Variants in FTCDNL1 observed in about 807,000 individuals in gnomAD.
FTCDNL1 encodes formiminotransferase N-terminal subdomain-containing protein.
Under a neutral mutation model 5.9 loss-of-function variants are expected in FTCDNL1, and 11 were observed. The ratio of observed to expected loss-of-function variants is 1.87; its 90% CI spans 1.18 to 3.10. The LOEUF is 3.10. FTCDNL1 is among the 30% of genes most tolerant of loss of function. The pLI is 0.00. For synonymous variants in FTCDNL1, 58 were observed against 24.8 expected (o/e 2.34, Z -3.99); for missense variants, 115 against 65.5 (o/e 1.76, Z -2.61).
the FTCDNL1 span, among the ~76,000 whole-genome samples, chr2:199,676,808 G>T: frequency 6.6e-6 from 1 of 152,046 alleles, no homozygotes; most frequent in Non-Finnish European, 1.5e-5. Flanking sequence ...AACAATATAA[G>T]TTGTTATGTT....
chr2:199,719,581 G>A, the FTCDNL1 span, among the ~76,000 whole-genome samples: 14 of 151,846 alleles, frequency 9.2e-5, no homozygotes, highest in African/African-American at 3.1e-4. Context: ...AATTTGATAG[G>A]GGCTGCATCG....
At chr2:199,793,725 C>T (rs759311519) in intron 3 of FTCDNL1, among the ~76,000 whole-genome samples, 3 of 152,108 alleles carry the variant, frequency 2.0e-5, no homozygotes, top group Non-Finnish European at 4.4e-5. Flanking sequence ...CTTAAACATA[C>T]GGCATTGACA....
the FTCDNL1 span, among the ~76,000 whole-genome samples, chr2:199,685,648 T>C: frequency 6.6e-6 from 1 of 152,172 alleles, no homozygotes; most frequent in African/African-American, 2.4e-5. Context: ...TTGCAATCAA[T>C]TCAAATCCAT....
At chr2:199,666,392 A>T in the FTCDNL1 span, among the ~76,000 whole-genome samples, 1,024 of 152,300 alleles carry the variant, frequency 6.7e-3, 8 homozygotes, top group African/African-American at 0.024. Flanking sequence ...TGTATACTCT[A>T]AACAAAAAAC....
chr2:199,848,729 G>A, intron 2 of FTCDNL1, 119 bp downstream of exon 2: 2 of 574,986 alleles, frequency 3.5e-6, no homozygotes, highest in Non-Finnish European at 6.2e-6. Flanking sequence ...TCAAGAGCAA[G>A]GAGGAAAATT....
chr2:199,764,973 C>T (rs140730289), intron 3 of FTCDNL1, among the ~76,000 whole-genome samples: 6 of 152,236 alleles, frequency 3.9e-5, no homozygotes, highest in African/African-American at 7.2e-5. Flanking sequence ...CATAGTAAAC[C>T]TCAGTGCCAC....
chr2:199,676,162 C>T, the FTCDNL1 span, among the ~76,000 whole-genome samples: 1 of 152,118 alleles, frequency 6.6e-6, no homozygotes, highest in Non-Finnish European at 1.5e-5. Flanking sequence ...GAGGAATGTG[C>T]ATGGTTTAAA....
chr2:199,846,224 T>C, intron 2 of FTCDNL1, 54 bp from the exon 3 acceptor site: 2 of 644,478 alleles, frequency 3.1e-6, no homozygotes, highest in Non-Finnish European at 5.6e-6. Flanking sequence ...GATAAAACCT[T>C]AATAGTTAAT....
In FTCDNL1 at chr2:199,773,617, TA is replaced by T. The variant is rs537823361; in HGVS notation, c.212-12783del. Among the ~76,000 whole-genome samples the T allele has an allele frequency of 3.7e-4, 56 of 152,308 alleles. No homozygotes were observed. The South Asian group carries it at 0.011, about 29-fold the overall frequency. On this transcript the variant is annotated intron_variant, in intron 3 of 3. Transcript: ENST00000416668. ...GAAGTGGCTCATGTCCAGACACTGATAAGGGACTGTGACTCTTTAGAGGGAC... is the reference window on the plus strand; with the variant it reads ...GAAGTGGCTCATGTCCAGACACTGATAGGGACTGTGACTCTTTAGAGGGAC...
At chr2:199,732,894 C>G in the FTCDNL1 span, among the ~76,000 whole-genome samples, 65 of 152,156 alleles carry the variant, frequency 4.3e-4, no homozygotes, top group African/African-American at 1.4e-3. Context: ...TCTATTCCAT[C>G]ACTAATAATA....
the FTCDNL1 span, among the ~76,000 whole-genome samples, chr2:199,742,941 T>A: frequency 6.6e-6 from 1 of 152,110 alleles, no homozygotes; most frequent in African/African-American, 2.4e-5. Context: ...ACCTGTTAGG[T>A]TCTTGGGGAA....
intron 3 of FTCDNL1, among the ~76,000 whole-genome samples, chr2:199,765,556 A>ATTTT (rs374926252): frequency 2.3e-4 from 10 of 42,658 alleles, no homozygotes; most frequent in Admixed American, 4.3e-4. Context: ...ATATATATAT[A>ATTTT]TTTTTTTTTT....
chr2:199,726,095 T>C, the FTCDNL1 span, among the ~76,000 whole-genome samples: 1 of 152,180 alleles, frequency 6.6e-6, no homozygotes, highest in Non-Finnish European at 1.5e-5. Context: ...TTTTTATTCA[T>C]TGTTGTCTAA....
At chr2:199,713,587 A>T in the FTCDNL1 span, among the ~76,000 whole-genome samples, 1 of 152,184 alleles carries the variant, frequency 6.6e-6, no homozygotes, top group Admixed American at 6.5e-5. Context: ...TAAAGTTCTT[A>T]ATAATTATTT....
intron 3 of FTCDNL1, among the ~76,000 whole-genome samples, chr2:199,787,586 C>G (rs371766973): frequency 6.6e-6 from 1 of 152,170 alleles, no homozygotes; most frequent in African/African-American, 2.4e-5. Context: ...CTACCTACCA[C>G]ATACATGCAA....
At chr2:199,670,650 A>T in the FTCDNL1 span, among the ~76,000 whole-genome samples, 1 of 152,102 alleles carries the variant, frequency 6.6e-6, no homozygotes, top group African/African-American at 2.4e-5. Context: ...CAGACTTTGT[A>T]TGTATGTATA....
chr2:199,765,891 G>C (rs994643500), intron 3 of FTCDNL1, among the ~76,000 whole-genome samples: 2 of 151,886 alleles, frequency 1.3e-5, no homozygotes, highest in East Asian at 3.9e-4. Context: ...TGATTCTCCT[G>C]CCTTGACACC....
At chr2:199,744,926 G>C in the FTCDNL1 span, among the ~76,000 whole-genome samples, 1 of 152,188 alleles carries the variant, frequency 6.6e-6, no homozygotes, top group South Asian at 2.1e-4. Flanking sequence ...CCTCGCAAAG[G>C]CCTCTCCATT....
chr2:199,666,322 G>C, the FTCDNL1 span, among the ~76,000 whole-genome samples: 1 of 152,140 alleles, frequency 6.6e-6, no homozygotes, highest in Non-Finnish European at 1.5e-5. Context: ...TGATAAGGAA[G>C]GACCCCTGAG....
Sources: gnomAD v4.1 joint callset for allele counts (sites outside exome capture counted in the v4.1 genomes callset) on GRCh38, gnomAD v4.1.1 for gene constraint, MANE v1.5 for transcripts, NCBI Gene and HGNC (gene_info 2026-07-23, HGNC 2026-07-21) for gene names.